The following MAN2A2 variants were observed in gnomAD, a reference collection of about 807,000 sequenced individuals.
The protein encoded by MAN2A2 is alpha-mannosidase 2x.
In MAN2A2, 79 loss-of-function variants were observed where a neutral mutation model predicts 126.8. The ratio of observed to expected loss-of-function variants is 0.62; its 90% CI spans 0.52 to 0.75. The LOEUF (loss-of-function observed/expected upper bound fraction) is 0.75. Among genes scored for constraint, MAN2A2 ranks in the 30% least tolerant of loss-of-function variants. The pLI is 0.00. For missense variants in MAN2A2, 1,392 were observed against 1,522.4 expected, an observed-to-expected ratio of 0.91 and a Z score of 1.43; for synonymous variants, 671 against 618.7, an observed-to-expected ratio of 1.08 and a Z score of -1.25.
At chr15:90,907,170 G>T in intron 7 of MAN2A2, 139 bp from the exon 8 acceptor site, 2 of 922,888 alleles carry the variant, frequency 2.2e-6, no homozygotes, top group Non-Finnish European at 1.6e-6. Flanking sequence ...TTTCTCCCTG[G>T]CCTACACACT....
intron 1 of MAN2A2, chr15:90,903,812 A>C (rs1231403453): frequency 3.0e-6 from 1 of 330,100 alleles, no homozygotes; most frequent in Non-Finnish European, 5.9e-6. Context: ...TAAACTTTTA[A>C]ATCAAACAAA....
chr15:90,913,246 A>G (rs895627801), intron 17 of MAN2A2, 27 bp from the exon 18 acceptor site: 1 of 1,611,888 alleles, frequency 6.2e-7, no homozygotes, highest in East Asian at 2.2e-5. Flanking sequence ...ACACCTGTCC[A>G]TGCCCCCACT....
chr15:90,904,167 AC>A, intron 1 of MAN2A2, 22 bp from the exon 2 acceptor site: 1 of 1,613,932 alleles, frequency 6.2e-7, no homozygotes, highest in Non-Finnish European at 8.5e-7. Flanking sequence ...TGTTGGAGCT[AC>A]AGATGGTGTC....
In MAN2A2 at chr15:90,904,307, A is replaced by G. The variant is rs1567113733; in HGVS notation, c.100A>G (p.Thr34Ala). The G allele has an allele frequency of 6.2e-7, 1 of 1,614,040 alleles. No homozygotes were observed. Among genetic ancestry groups the G allele is most frequent in the East Asian group, 2.2e-5 (1 of 44,866 alleles). Residue 34 changes from threonine to alanine, a missense_variant, in exon 2 of 23, where the codon ACC (threonine) becomes GCC (alanine). Transcript: ENST00000559717. ...LMLDRVQHDP[T>A]RHQNGGNFPR... ...GCTGGACCGAGTGCAACACGATCCC[A>G]CCCGACACCAGAATGGTGGGAACTT...
intron 20 of MAN2A2, chr15:90,916,468 T>C: frequency 1.8e-6 from 2 of 1,126,022 alleles, no homozygotes; most frequent in Non-Finnish European, 2.5e-6. Flanking sequence ...CTCTGTCACC[T>C]GTGCCCCTCA....
chr15:90,912,085 C>A lies in MAN2A2; in HGVS notation c.2152C>A (p.Leu718Met), dbSNP rs752113945. 1 of 1,613,102 alleles carries A rather than the reference C, an allele frequency of 6.2e-7. No homozygotes were observed. The highest frequency in any genetic ancestry group is 1.1e-5 in the South Asian group (1 of 91,070). ...VRLPALGLGV[L>M]QLQLGLDGHR... Reference sequence around the variant, plus strand: ...CCTGCCAGCCCTGGGCCTGGGCGTGCTGCAGCTACAGCTGGGCCTGGATGG... The same window carrying A: ...CCTGCCAGCCCTGGGCCTGGGCGTGATGCAGCTACAGCTGGGCCTGGATGG... The change falls in exon 15 of 23, where the codon CTG becomes ATG. Residue 718 changes from leucine to methionine, a missense_variant. Physicochemically the swap from Leu to Met is conservative, Grantham distance 15. Transcript: ENST00000559717.
intron 21 of MAN2A2, 58 bp downstream of exon 21, chr15:90,918,446 C>A: frequency 6.5e-7 from 1 of 1,549,186 alleles, no homozygotes; most frequent in South Asian, 1.2e-5. Flanking sequence ...TCCCTCCCTG[C>A]TCAGCTCCTT....
rs763972211 is a variant in MAN2A2 at position 90,912,516 on chromosome 15, G to A, written c.2347-26G>A. ...GGCCTGACATGCTGGTGTGGGGCCA[G>A]GGGTCAGGGCTGTGTTTTTTGGCAG... On this transcript the variant is annotated intron_variant, in intron 15 of 22. Coordinates refer to ENST00000559717, the MANE Select transcript of MAN2A2 (RefSeq NM_006122.4). 7.4e-6 allele frequency: 12 copies of A among 1,610,766 alleles called. No homozygotes were observed. The South Asian group carries it at 1.3e-4, about 18-fold the overall frequency.
intron 8 of MAN2A2, among the ~76,000 whole-genome samples, chr15:90,907,861 A>G (rs773715809): frequency 2.4e-4 from 37 of 152,178 alleles, no homozygotes; most frequent in South Asian, 1.5e-3. Context: ...TCAGATCCAC[A>G]TTCAGTCCCA....
At chr15:90,915,019 G>C (rs1050573976) in intron 19 of MAN2A2, among the ~76,000 whole-genome samples, 1 of 152,220 alleles carries the variant, frequency 6.6e-6, no homozygotes. Context: ...AGAGCACCCA[G>C]TCAAGGCTAG....
rs1403154309 is a variant in MAN2A2 at position 90,912,604 on chromosome 15, C to T, written c.2409C>T (p.Gly803=). ...QQVDMQVLVY[G]TRTSKDKSGA... The stretch of plus-strand genomic sequence containing the variant: ...TGGACATGCAGGTCCTTGTCTATGG[C>T]ACCCGTACGTCCAAAGACAAGAGTG... The change falls in exon 16 of 23, where the codon GGC becomes GGT. Residue 803 remains glycine (G), a synonymous_variant. Coordinates refer to ENST00000559717, the MANE Select transcript of MAN2A2 (RefSeq NM_006122.4). 2 of 1,614,066 alleles carry T rather than the reference C, an allele frequency of 1.2e-6. No individual in the cohort carries two copies. The highest frequency in any genetic ancestry group is 1.6e-4 in the Middle Eastern group (1 of 6,076).
At chr15:90,913,455 C>G (rs760287732) in intron 18 of MAN2A2, 49 bp downstream of exon 18, 4 of 1,577,200 alleles carry the variant, frequency 2.5e-6, no homozygotes, top group South Asian at 1.1e-5. Flanking sequence ...AGAACTTGGA[C>G]TCTGCTTTTG....
intron 6 of MAN2A2, 74 bp from the exon 7 acceptor site, chr15:90,906,666 C>T: frequency 6.3e-7 from 1 of 1,582,724 alleles, no homozygotes; most frequent in Non-Finnish European, 8.6e-7. Flanking sequence ...AGCTGGGGTC[C>T]CAGCACCTGG....
At chr15:90,908,755 T>A (rs2034494299) in intron 8 of MAN2A2, among the ~76,000 whole-genome samples, 1 of 152,042 alleles carries the variant, frequency 6.6e-6, no homozygotes, top group Admixed American at 6.6e-5. Context: ...TTTGTATTTT[T>A]AGTAGAGACA....
chr15:90,915,348 A>T (rs754307586), intron 19 of MAN2A2: 1 of 152,248 alleles, frequency 6.6e-6, no homozygotes, highest in Admixed American at 6.5e-5. Flanking sequence ...GGTGGAATGT[A>T]GGGGCAGCTG....
In MAN2A2 at chr15:90,905,486, G is replaced by T. The variant is rs200739221; in HGVS notation, c.368G>T (p.Arg123Leu). 11 of 1,613,990 alleles carry T rather than the reference G, an allele frequency of 6.8e-6. No individual in the cohort carries two copies. Among genetic ancestry groups the T allele is most frequent in the Non-Finnish European group, 8.5e-6 (10 of 1,180,022 alleles). ...PQDCQFALGG[R>L]GQKPELQMLT... ...GACTGCCAGTTTGCTTTGGGGGGCC[G>T]GGGTCAGAAGCCAGAGCTGCAGGTA... Residue 123 changes from arginine (R) to leucine (L), a missense_variant, in exon 3 of 23, where the codon CGG (arginine) becomes CTG (leucine). Coordinates refer to ENST00000559717, the MANE Select transcript of MAN2A2 (RefSeq NM_006122.4).
chr15:90,910,188 G>T lies in MAN2A2; in HGVS notation c.1473G>T (p.Gly491=). 6.2e-7 allele frequency: 1 copy of T among 1,614,174 alleles called. No homozygotes were observed. The highest frequency in any genetic ancestry group is 8.5e-7 in the Non-Finnish European group (1 of 1,180,032). Residue 491 remains glycine (G), a synonymous_variant, in exon 10 of 23, where the codon GGG becomes GGT. Transcript: ENST00000559717. The part of the protein sequence containing the change: ...ARPPGFPVLS[G]DFFSYADRED... ...CTCCAGGGTTTCCTGTGCTGAGCGG[G>T]GATTTCTTCTCCTATGCGGACCGGG... is the stretch of plus-strand genomic sequence containing the variant.
intron 22 of MAN2A2, 40 bp from the exon 23 acceptor site, chr15:90,919,595 G>A (rs765198283): frequency 3.7e-6 from 6 of 1,605,064 alleles, no homozygotes; most frequent in African/African-American, 1.3e-5. Context: ...TTAGTGTCTC[G>A]GCACCTAGCA....
At chr15:90,916,968 A>C (rs1027997172) in intron 20 of MAN2A2, among the ~76,000 whole-genome samples, 1 of 152,182 alleles carries the variant, frequency 6.6e-6, no homozygotes, top group Non-Finnish European at 1.5e-5. Context: ...GGTGTCACCC[A>C]GGTGTGGCTT....
Sources: gnomAD v4.1 joint callset for allele counts (sites outside exome capture counted in the v4.1 genomes callset) on GRCh38, gnomAD v4.1.1 for gene constraint, MANE v1.5 for transcripts, NCBI Gene and HGNC (gene_info 2026-07-23, HGNC 2026-07-21) for gene names.